Variants in NRG3 observed in about 807,000 individuals in gnomAD.
NRG3 encodes pro-neuregulin-3, membrane-bound isoform.
Under a neutral mutation model 66.9 loss-of-function variants are expected in NRG3, and 31 were observed. That is an observed-to-expected ratio of 0.46 (90% CI 0.35 to 0.63). NRG3 has a LOEUF of 0.63. NRG3 is among the 20% of genes least tolerant of loss of function. NRG3 has a pLI of 0.00. For synonymous variants in NRG3, 393 were observed against 359.4 expected (o/e 1.09, Z -1.06); for missense variants, 910 against 878.9 (o/e 1.04, Z -0.45).
At chr10:82,197,272 A>G (rs1269739323) in intron 1 of NRG3, among the ~76,000 whole-genome samples, 3 of 152,186 alleles carry the variant, frequency 2.0e-5, no homozygotes, top group Admixed American at 1.3e-4. Context: ...TTTGAACAAT[A>G]TAAGTCTTAT....
intron 2 of NRG3, among the ~76,000 whole-genome samples, chr10:82,384,930 G>A (rs10884652): frequency 0.41 from 61,547 of 151,900 alleles, 15,264 homozygotes; most frequent in African/African-American, 0.7. Context: ...CCACAACCTC[G>A]CCAACATCTG....
At chr10:82,720,712 T>C (rs1013065313) in intron 2 of NRG3, among the ~76,000 whole-genome samples, 1 of 151,532 alleles carries the variant, frequency 6.6e-6, no homozygotes, top group Non-Finnish European at 1.5e-5. Context: ...GTTGGTTCTT[T>C]CTTCATCTAT....
At chr10:82,647,839 T>G (rs1182325048) in intron 2 of NRG3, among the ~76,000 whole-genome samples, 1 of 151,048 alleles carries the variant, frequency 6.6e-6, no homozygotes, top group Non-Finnish European at 1.5e-5. Context: ...TCGCCCACTT[T>G]TTGATGGGGT....
chr10:82,471,508 A>AG (rs1256829423), intron 2 of NRG3, among the ~76,000 whole-genome samples: 1 of 152,212 alleles, frequency 6.6e-6, no homozygotes, highest in Non-Finnish European at 1.5e-5. Flanking sequence ...TTCTCTGCAA[A>AG]CTATATTACA....
At chr10:82,278,721 A>G (rs1265412917) in intron 1 of NRG3, among the ~76,000 whole-genome samples, 2 of 152,086 alleles carry the variant, frequency 1.3e-5, no homozygotes, top group African/African-American at 4.8e-5. Flanking sequence ...TTCTCTTTTG[A>G]CAGTCCTATA....
intron 3 of NRG3, among the ~76,000 whole-genome samples, chr10:82,784,154 T>C (rs1229924892): frequency 1.3e-5 from 2 of 152,144 alleles, no homozygotes; most frequent in Non-Finnish European, 2.9e-5. Flanking sequence ...TGGCTAGCCA[T>C]ATGTAGAAAG....
chr10:82,904,459 C>T (rs1299337249), intron 4 of NRG3, among the ~76,000 whole-genome samples: 1 of 152,032 alleles, frequency 6.6e-6, no homozygotes, highest in Admixed American at 6.6e-5. Context: ...AGCATTTAAA[C>T]CGGAAGAAAG....
At chr10:82,783,280 C>T (rs2135296707) in intron 3 of NRG3, among the ~76,000 whole-genome samples, 1 of 150,800 alleles carries the variant, frequency 6.6e-6, no homozygotes, top group East Asian at 1.9e-4. Flanking sequence ...GGAAGCATTC[C>T]CTTTGAAAAC....
At chr10:81,877,779 T>C (rs537693486) in intron 1 of NRG3, 206 of 1,370,608 alleles carry the variant, frequency 1.5e-4, no homozygotes, top group Middle Eastern at 2.7e-4. Context: ...GAAGCAGTCA[T>C]TTTTGAGAGC....
chr10:82,066,542 A>C (rs998603527), intron 1 of NRG3, among the ~76,000 whole-genome samples: 1 of 152,142 alleles, frequency 6.6e-6, no homozygotes, highest in Non-Finnish European at 1.5e-5. Context: ...GGCCTCTGCA[A>C]TATGTGCTTT....
At chr10:82,880,777 G>A (rs565104392) in intron 4 of NRG3, among the ~76,000 whole-genome samples, 1 of 152,298 alleles carries the variant, frequency 6.6e-6, no homozygotes, top group African/African-American at 2.4e-5. Flanking sequence ...TACTTTTTTA[G>A]GCTAGATATG....
intron 1 of NRG3, among the ~76,000 whole-genome samples, chr10:82,345,416 G>T (rs2082946820): frequency 6.6e-6 from 1 of 151,780 alleles, no homozygotes; most frequent in African/African-American, 2.4e-5. Context: ...CTGTTCCATT[G>T]ATCTATATCT....
intron 2 of NRG3, among the ~76,000 whole-genome samples, chr10:82,582,662 T>TTGTGTATG (rs1554967065): frequency 9.8e-4 from 143 of 146,478 alleles, no homozygotes; most frequent in Non-Finnish European, 1.8e-3. Flanking sequence ...TCTATATGTG[T>TTGTGTATG]TGTGTGTGTG....
chr10:82,024,247 C>T (rs907544805), intron 1 of NRG3, among the ~76,000 whole-genome samples: 7 of 151,744 alleles, frequency 4.6e-5, no homozygotes, highest in South Asian at 2.1e-4. Context: ...TTTCTTAATT[C>T]GTGTAGCTAA....
chr10:82,823,374 A>T (rs969373941), intron 3 of NRG3, among the ~76,000 whole-genome samples: 1 of 152,210 alleles, frequency 6.6e-6, no homozygotes, highest in Non-Finnish European at 1.5e-5. Context: ...GGGAACCAGG[A>T]TATGGGATTC....
intron 1 of NRG3, among the ~76,000 whole-genome samples, chr10:82,346,524 C>A (rs1360610054): frequency 1.3e-5 from 2 of 151,984 alleles, no homozygotes; most frequent in East Asian, 3.9e-4. Context: ...GTCTAAAATT[C>A]TCTTTTTTGG....
rs187190413 is a variant in NRG3, at chr10:81,905,025, C to T, written c.823+28862C>T. Among the ~76,000 whole-genome samples the T allele has an allele frequency of 3.9e-5, 6 of 152,248 alleles. No individual in the cohort carries two copies. In the East Asian group the frequency reaches 1.2e-3, roughly 29 times the overall value. ...AAATACCAGGCGTCCAGAACAGGAC[C>T]ATCCTGACCCTTTCATGCAGTCTCC... On this transcript the variant is annotated intron_variant, in intron 1 of 8. Transcript: ENST00000372141.
chr10:82,424,468 T>A (rs550750671), intron 2 of NRG3, among the ~76,000 whole-genome samples: 2 of 152,202 alleles, frequency 1.3e-5, no homozygotes, highest in South Asian at 4.1e-4. Flanking sequence ...TCAAATTATT[T>A]TCCTATTTAA....
intron 1 of NRG3, among the ~76,000 whole-genome samples, chr10:82,173,583 C>T (rs1413842423): frequency 1.3e-5 from 2 of 151,720 alleles, no homozygotes; most frequent in Non-Finnish European, 2.9e-5. Flanking sequence ...TTGACAATTA[C>T]AGGTGAGCAA....
Sources: allele counts gnomAD v4.1 joint callset (sites outside exome capture counted in the v4.1 genomes callset), GRCh38; gene constraint gnomAD v4.1.1; transcripts MANE v1.5; gene names NCBI Gene and HGNC (gene_info 2026-07-23, HGNC 2026-07-21).